The following SGSM1 variants were observed in gnomAD, a reference collection of about 807,000 sequenced individuals.
SGSM1 encodes RUN and TBC1 domain containing 2.
In SGSM1, 73 loss-of-function variants were observed where a neutral mutation model predicts 133.8. The observed-to-expected ratio is 0.55, with a 90% CI of 0.45 to 0.66. The LOEUF is 0.66. Ranked by LOEUF, SGSM1 falls within the 30% of genes least tolerant of loss-of-function variation. The pLI, the probability that SGSM1 is intolerant of heterozygous loss-of-function variation, is 0.00. For missense variants in SGSM1, 1,213 were observed against 1,448.1 expected, an observed-to-expected ratio of 0.84 and a Z score of 2.64; for synonymous variants, 563 against 573.0, an observed-to-expected ratio of 0.98 and a Z score of 0.25.
chr22:24,817,701 TA>T (rs200824799), intron 2 of SGSM1, among the ~76,000 whole-genome samples: 1 of 137,830 alleles, frequency 7.3e-6, no homozygotes, highest in East Asian at 3.1e-4. Context: ...ACAACCCAAA[TA>T]CCCAAGTACG....
At chr22:24,917,537 T>A (rs1175399402) in intron 22 of SGSM1, 121 bp from the exon 23 acceptor site, 6 of 579,222 alleles carry the variant, frequency 1.0e-5, no homozygotes, top group Non-Finnish European at 1.2e-5. Flanking sequence ...TTTTTTAAAC[T>A]GTAACTGGCT....
chr22:24,897,970 A>G lies in SGSM1; in HGVS notation c.2023-2A>G, dbSNP rs1335637272. ...ATCTGTTTTTGTGCACCTTGTCCTC[A>G]GGTGTTTGAGTCTGTGGATGAGGTG... On this transcript the variant is annotated splice_acceptor_variant, in intron 18 of 24. Transcript: ENST00000400358. LOFTEE classifies it high-confidence loss of function. 1.3e-6 allele frequency: 2 copies of G among 1,587,514 alleles called. No individual in the cohort carries two copies. Among genetic ancestry groups the G allele is most frequent in the Admixed American group, 1.8e-5 (1 of 55,130 alleles).
intron 2 of SGSM1, among the ~76,000 whole-genome samples, chr22:24,817,893 C>A (rs972585396): frequency 6.6e-6 from 1 of 152,188 alleles, no homozygotes; most frequent in Non-Finnish European, 1.5e-5. Context: ...CATGTCCTCA[C>A]ATGGCAGAAA....
chr22:24,891,607 G>T (rs918417093), intron 16 of SGSM1, among the ~76,000 whole-genome samples: 2 of 152,176 alleles, frequency 1.3e-5, no homozygotes, highest in African/African-American at 4.8e-5. Flanking sequence ...GTCAGTAACT[G>T]ACAACTCTGA....
At chr22:24,820,839 G>C (rs1363255899) in intron 2 of SGSM1, among the ~76,000 whole-genome samples, 2 of 152,204 alleles carry the variant, frequency 1.3e-5, no homozygotes, top group Non-Finnish European at 2.9e-5. Context: ...TCAGCCTAGA[G>C]GGCAGAGGCG....
At chr22:24,915,349 G>A (rs1933787182) in intron 22 of SGSM1, among the ~76,000 whole-genome samples, 1 of 152,238 alleles carries the variant, frequency 6.6e-6, no homozygotes, top group Admixed American at 6.5e-5. Context: ...AATTGCTGGA[G>A]CAGAGGGAAT....
At position 24,883,071 on chromosome 22, in the gene SGSM1, A is replaced by ATTT. The variant is rs756077282; in HGVS notation, c.1496-970_1496-968dup. Reference sequence around the variant, plus strand: ...GGCCACCATGAGCTAATTTTTTTGTATTTTTTTTTTTTTTAGTAGAGACGG... The same window carrying ATTT: ...GGCCACCATGAGCTAATTTTTTTGTATTTTTTTTTTTTTTTTTAGTAGAGACGG... On this transcript the variant is annotated intron_variant, in intron 14 of 24. Coordinates refer to ENST00000400358, the MANE Select transcript of SGSM1 (RefSeq NM_001098497.3). Among the ~76,000 whole-genome samples the ATTT allele has an allele frequency of 5.0e-5, 7 of 139,144 alleles. No individual in the cohort carries two copies. In the East Asian group the frequency reaches 1.3e-3, roughly 25 times the overall value. 91.3% of individuals were successfully genotyped at this position (139,144 alleles called of 152,430 possible).
At chr22:24,847,109 C>T (rs970474758) in intron 3 of SGSM1, among the ~76,000 whole-genome samples, 1 of 152,102 alleles carries the variant, frequency 6.6e-6, no homozygotes, top group African/African-American at 2.4e-5. Context: ...CAGATCTGCC[C>T]GCCTTGGCCT....
chr22:24,906,810 G>A (rs1933398322), intron 21 of SGSM1, among the ~76,000 whole-genome samples: 1 of 152,030 alleles, frequency 6.6e-6, no homozygotes, highest in Admixed American at 6.6e-5. Context: ...AAATAGCCAG[G>A]CGTGGTGGCG....
chr22:24,819,783 G>C (rs902818662), intron 2 of SGSM1, among the ~76,000 whole-genome samples: 7 of 152,216 alleles, frequency 4.6e-5, no homozygotes, highest in Non-Finnish European at 1.0e-4. Context: ...TTCTTCTAAG[G>C]TCAGATGGAG....
chr22:24,918,398 AG>A (rs141780033), intron 23 of SGSM1, among the ~76,000 whole-genome samples: 3,151 of 151,576 alleles, frequency 0.021, 112 homozygotes, highest in African/African-American at 0.073. Flanking sequence ...CAGGAGGCTG[AG>A]GCAGGAGAAT....
intron 2 of SGSM1, among the ~76,000 whole-genome samples, chr22:24,841,384 C>G (rs1181913673): frequency 6.6e-6 from 1 of 152,210 alleles, no homozygotes; most frequent in East Asian, 1.9e-4. Context: ...GATATTCTCT[C>G]TCCTGGAGAA....
At chr22:24,827,201 T>TA (rs1035118420) in intron 2 of SGSM1, among the ~76,000 whole-genome samples, 9 of 152,026 alleles carry the variant, frequency 5.9e-5, no homozygotes, top group East Asian at 5.8e-4. Flanking sequence ...CAGCGGAGGG[T>TA]ACCTGGGTGT....
intron 2 of SGSM1, among the ~76,000 whole-genome samples, chr22:24,821,737 C>T (rs1487234462): frequency 6.6e-6 from 1 of 152,150 alleles, no homozygotes; most frequent in African/African-American, 2.4e-5. Flanking sequence ...TTATTTTCCC[C>T]CCCAAAGTCT....
chr22:24,897,774 C>G (rs1932958199), intron 18 of SGSM1, among the ~76,000 whole-genome samples, 198 bp from the exon 19 acceptor site: 1 of 152,186 alleles, frequency 6.6e-6, no homozygotes, highest in African/African-American at 2.4e-5. Flanking sequence ...CAGCCTAGAT[C>G]ACTTTCTTAT....
chr22:24,909,531 C>G (rs1022047602), intron 21 of SGSM1, among the ~76,000 whole-genome samples: 6 of 152,112 alleles, frequency 3.9e-5, no homozygotes, highest in African/African-American at 1.4e-4. Context: ...TCTCAGCTCA[C>G]TGCAACCTCC....
Position 24,910,381 on chromosome 22 carries a change from C to T in SGSM1, c.2819-2262C>T, listed in dbSNP as rs116493283. Among the ~76,000 whole-genome samples, 371 of 152,216 alleles carry T rather than the reference C, an allele frequency of 2.4e-3. 1 individual carries two copies. The highest frequency in any genetic ancestry group is 8.7e-3 in the African/African-American group (361 of 41,542). On this transcript the variant is annotated intron_variant, in intron 21 of 24. Transcript: ENST00000400358. ...CTGTTAAAAAAATGGGGGCTGGGTG[C>T]AATGGCTCACACCTATAATCCTAGC...
chr22:24,902,012 G>T, intron 20 of SGSM1, 55 bp downstream of exon 20: 1 of 1,424,660 alleles, frequency 7.0e-7, no homozygotes. Context: ...TGGGTGGGAT[G>T]GGGGATGTAG....
At chr22:24,882,961 G>C (rs1388462547) in intron 14 of SGSM1, among the ~76,000 whole-genome samples, 1 of 150,722 alleles carries the variant, frequency 6.6e-6, no homozygotes, top group African/African-American at 2.4e-5. Context: ...GCAGTGGCGC[G>C]ATCTCAGCTC....
Sources: allele counts gnomAD v4.1 joint callset (sites outside exome capture counted in the v4.1 genomes callset), GRCh38; gene constraint gnomAD v4.1.1; transcripts MANE v1.5; gene names NCBI Gene and HGNC (gene_info 2026-07-23, HGNC 2026-07-21).